CA10: variants seen among roughly 807,000 people sequenced by gnomAD.
The protein encoded by CA10 is carbonic anhydrase 10 (inactive).
In CA10, 14 loss-of-function variants were observed where a neutral mutation model predicts 44.2. The ratio of observed to expected loss-of-function variants is 0.32; its 90% CI spans 0.21 to 0.50. The LOEUF is 0.50. CA10 is among the 20% of genes least tolerant of loss of function. The pLI is 0.99. For synonymous variants in CA10, 159 were observed against 141.6 expected (o/e 1.12, Z -0.87); for missense variants, 350 against 409.7 (o/e 0.85, Z 1.26).
intron 4 of CA10, among the ~76,000 whole-genome samples, chr17:51,672,832 C>G (rs1009939285): frequency 5.3e-5 from 8 of 152,206 alleles, no homozygotes; most frequent in Non-Finnish European, 7.3e-5. Context: ...AGATCCCTCA[C>G]CCTGCCAGTC....
At chr17:51,718,628 A>G (rs1404079536) in intron 4 of CA10, among the ~76,000 whole-genome samples, 1 of 152,130 alleles carries the variant, frequency 6.6e-6, no homozygotes, top group East Asian at 1.9e-4. Context: ...AATTAATTGA[A>G]CCCAAAAAAG....
chr17:51,771,010 G>C lies in CA10; in HGVS notation c.280-23192C>G, dbSNP rs375619300. Among the ~76,000 whole-genome samples, 27 of 150,326 alleles carry C rather than the reference G, an allele frequency of 1.8e-4. No homozygotes were observed. The East Asian group carries it at 5.0e-3, about 28-fold the overall frequency. On this transcript the variant is annotated intron_variant, in intron 3 of 8. Transcript: ENST00000451037. The stretch of plus-strand genomic sequence containing the variant: ...GTGGTGGTGCATGTCTGTAGTCCCA[G>C]CTACTCAGGAGGCTGAGGCAGGAGA...
At chr17:51,800,436 T>C (rs140599111) in intron 3 of CA10, among the ~76,000 whole-genome samples, 6 of 152,258 alleles carry the variant, frequency 3.9e-5, no homozygotes, top group African/African-American at 7.2e-5. Flanking sequence ...CACAACTCTG[T>C]GGATGTACAA....
chr17:51,957,179 A>T (rs1450548962), intron 2 of CA10, among the ~76,000 whole-genome samples: 4 of 152,188 alleles, frequency 2.6e-5, no homozygotes, highest in Admixed American at 6.5e-5. Context: ...TTAAAGTAGA[A>T]CTTGGATTTA....
At chr17:51,883,910 G>T (rs1440738906) in intron 3 of CA10, among the ~76,000 whole-genome samples, 1 of 152,056 alleles carries the variant, frequency 6.6e-6, no homozygotes, top group African/African-American at 2.4e-5. Flanking sequence ...TGTCAAACTT[G>T]GCATACTCAA....
chr17:51,752,812 C>G (rs1014414586), intron 3 of CA10, among the ~76,000 whole-genome samples: 1 of 151,928 alleles, frequency 6.6e-6, no homozygotes, highest in East Asian at 1.9e-4. Context: ...TGCAGCTACT[C>G]GGAAGGCTGA....
chr17:51,658,906 GTGTC>G (rs1007561701), intron 4 of CA10, among the ~76,000 whole-genome samples: 1 of 152,050 alleles, frequency 6.6e-6, no homozygotes, highest in African/African-American at 2.4e-5. Flanking sequence ...TATTCTCTTT[GTGTC>G]TTACCTTCTC....
chr17:51,841,907 T>C (rs747977322), intron 3 of CA10, among the ~76,000 whole-genome samples: 2 of 152,216 alleles, frequency 1.3e-5, no homozygotes, highest in Non-Finnish European at 2.9e-5. Context: ...TATCCAGGCA[T>C]GCCAATGACA....
intron 1 of CA10, among the ~76,000 whole-genome samples, chr17:52,108,244 T>C (rs1988711753): frequency 6.9e-6 from 1 of 144,298 alleles, no homozygotes; most frequent in African/African-American, 2.5e-5. Flanking sequence ...TATGATGGAA[T>C]ACTACCCAGC....
At chr17:52,128,186 T>C (rs1468787962) in intron 1 of CA10, among the ~76,000 whole-genome samples, 1 of 152,222 alleles carries the variant, frequency 6.6e-6, no homozygotes, top group African/African-American at 2.4e-5. Flanking sequence ...CCTAAGCCTG[T>C]TTATCTCTGC....
chr17:52,084,759 T>A (rs1291888547), intron 1 of CA10, among the ~76,000 whole-genome samples: 2 of 152,214 alleles, frequency 1.3e-5, no homozygotes, highest in Non-Finnish European at 2.9e-5. Context: ...TATTTCCCCT[T>A]CTTCCTTAAC....
At chr17:52,042,793 T>C (rs770646996) in intron 2 of CA10, among the ~76,000 whole-genome samples, 4 of 152,096 alleles carry the variant, frequency 2.6e-5, no homozygotes, top group Non-Finnish European at 4.4e-5. Context: ...AACAACGGTC[T>C]AATTCCATTA....
At chr17:51,860,596 T>C (rs1979259749) in intron 3 of CA10, among the ~76,000 whole-genome samples, 1 of 152,198 alleles carries the variant, frequency 6.6e-6, no homozygotes, top group Non-Finnish European at 1.5e-5. Context: ...TGGATGCTTT[T>C]TCCTTAAGTT....
intron 4 of CA10, among the ~76,000 whole-genome samples, chr17:51,674,914 G>A (rs1221113223): frequency 6.6e-6 from 1 of 152,186 alleles, no homozygotes; most frequent in Non-Finnish European, 1.5e-5. Flanking sequence ...TTTTTAGGCT[G>A]CTGCTAATAA....
intron 3 of CA10, among the ~76,000 whole-genome samples, chr17:51,879,213 CTAA>C (rs1183638601): frequency 1.3e-5 from 2 of 151,892 alleles, no homozygotes; most frequent in Non-Finnish European, 2.9e-5. Flanking sequence ...CAGGTGGTTT[CTAA>C]TTATTGTCCA....
chr17:52,065,570 T>G (rs901570766), intron 2 of CA10, among the ~76,000 whole-genome samples: 4 of 152,186 alleles, frequency 2.6e-5, no homozygotes, highest in Non-Finnish European at 5.9e-5. Flanking sequence ...GCTCCTATCT[T>G]AGCTCATATG....
intron 3 of CA10, among the ~76,000 whole-genome samples, chr17:51,846,841 C>T (rs568001579): frequency 6.6e-6 from 1 of 152,286 alleles, no homozygotes; most frequent in South Asian, 2.1e-4. Flanking sequence ...GAGGCAGGCT[C>T]AGCTGTTTTG....
intron 4 of CA10, among the ~76,000 whole-genome samples, chr17:51,710,944 T>G (rs73987177): frequency 0.022 from 1,789 of 81,428 alleles, 34 homozygotes; most frequent in African/African-American, 0.082. Flanking sequence ...TTTTTTTTTT[T>G]GCTTCACTGA....
At chr17:51,684,191 G>C (rs1178228631) in intron 4 of CA10, among the ~76,000 whole-genome samples, 1 of 152,200 alleles carries the variant, frequency 6.6e-6, no homozygotes, top group Non-Finnish European at 1.5e-5. Flanking sequence ...AGTGTGATGA[G>C]TGTGAGAAGG....
Sources: gnomAD v4.1 joint callset for allele counts (sites outside exome capture counted in the v4.1 genomes callset) on GRCh38, gnomAD v4.1.1 for gene constraint, MANE v1.5 for transcripts, NCBI Gene and HGNC (gene_info 2026-07-23, HGNC 2026-07-21) for gene names.